NKAIN3: variants seen among roughly 807,000 people sequenced by gnomAD.
NKAIN3 encodes sodium/potassium-transporting ATPase subunit beta-1-interacting protein 3.
NKAIN3 carries 25 observed loss-of-function variants against 30.2 expected under a neutral mutation model. That is an observed-to-expected ratio of 0.83 (90% CI 0.60 to 1.16). The LOEUF (loss-of-function observed/expected upper bound fraction) is 1.16. Among genes scored for constraint, NKAIN3 ranks in the 50% most tolerant of loss-of-function variants. NKAIN3 has a pLI of 0.00. For missense variants in NKAIN3, 225 were observed against 254.1 expected, an observed-to-expected ratio of 0.89 and a Z score of 0.78; for synonymous variants, 91 against 89.6, an observed-to-expected ratio of 1.02 and a Z score of -0.09.
chr8:62,350,687 A>C (rs1816152616), intron 1 of NKAIN3, among the ~76,000 whole-genome samples: 1 of 151,928 alleles, frequency 6.6e-6, no homozygotes, highest in African/African-American at 2.4e-5. Context: ...GAGCTTTTTA[A>C]TTTTTATTTA....
intron 3 of NKAIN3, among the ~76,000 whole-genome samples, chr8:62,696,764 G>C (rs535687635): frequency 6.6e-6 from 1 of 152,262 alleles, no homozygotes; most frequent in African/African-American, 2.4e-5. Flanking sequence ...AGATTTGAGA[G>C]TGTGGATTAG....
chr8:62,721,110 C>T (rs1181101294), intron 3 of NKAIN3, among the ~76,000 whole-genome samples: 4 of 152,130 alleles, frequency 2.6e-5, no homozygotes, highest in East Asian at 1.9e-4. Context: ...TTACTTTTTA[C>T]GTAGCCCCAT....
intron 5 of NKAIN3, among the ~76,000 whole-genome samples, chr8:62,952,074 A>G (rs1823297324): frequency 6.6e-6 from 1 of 152,208 alleles, no homozygotes; most frequent in Admixed American, 6.5e-5. Context: ...TGCTAGCAAT[A>G]TAGGCATGAA....
chr8:62,995,462 A>G (rs928691005), intron 5 of NKAIN3, among the ~76,000 whole-genome samples: 1 of 152,198 alleles, frequency 6.6e-6, no homozygotes, highest in African/African-American at 2.4e-5. Context: ...GGTGCCTGAG[A>G]GGGAAGGGAG....
At chr8:62,806,542 A>T (rs1275948055) in intron 4 of NKAIN3, among the ~76,000 whole-genome samples, 1 of 152,134 alleles carries the variant, frequency 6.6e-6, no homozygotes, top group African/African-American at 2.4e-5. Flanking sequence ...TTCTCAGTAA[A>T]CTATCAGAAG....
intron 1 of NKAIN3, among the ~76,000 whole-genome samples, chr8:62,314,264 C>A (rs1047865222): frequency 8.6e-5 from 13 of 151,970 alleles, no homozygotes; most frequent in Non-Finnish European, 5.9e-5. Flanking sequence ...CATTTAAAAC[C>A]ACCCCAGAAA....
chr8:62,375,914 A>G (rs1261954751), intron 1 of NKAIN3, among the ~76,000 whole-genome samples: 2 of 152,166 alleles, frequency 1.3e-5, no homozygotes, highest in African/African-American at 2.4e-5. Context: ...TTACCTTTAT[A>G]TTATACTTGC....
At chr8:62,418,239 A>T (rs953139237) in intron 1 of NKAIN3, among the ~76,000 whole-genome samples, 8 of 152,226 alleles carry the variant, frequency 5.3e-5, no homozygotes, top group Admixed American at 5.2e-4. Flanking sequence ...TAGAGCTATC[A>T]TAAGAGGCAA....
At chr8:62,877,609 A>G (rs1820839502) in intron 4 of NKAIN3, among the ~76,000 whole-genome samples, 1 of 152,190 alleles carries the variant, frequency 6.6e-6, no homozygotes, top group Non-Finnish European at 1.5e-5. Context: ...TGAAATTTGT[A>G]ATGCTAAAAT....
intron 6 of NKAIN3, 87 bp from the exon 7 acceptor site, chr8:62,965,267 T>C: frequency 1.0e-6 from 1 of 984,632 alleles, no homozygotes; most frequent in Non-Finnish European, 1.2e-6. Context: ...GGAGCTATTT[T>C]GCATTTCAAA....
intron 1 of NKAIN3, among the ~76,000 whole-genome samples, chr8:62,264,226 G>A (rs1812537785): frequency 6.6e-6 from 1 of 152,124 alleles, no homozygotes; most frequent in Non-Finnish European, 1.5e-5. Flanking sequence ...TCAGAATGTT[G>A]AAAGGAATAT....
intron 1 of NKAIN3, among the ~76,000 whole-genome samples, chr8:62,415,788 C>T (rs535131078): frequency 7.9e-5 from 12 of 151,192 alleles, no homozygotes; most frequent in African/African-American, 2.4e-4. Context: ...GACAGAGTCT[C>T]GCTCTGTCGC....
chr8:62,757,390 G>C (rs966007885), intron 4 of NKAIN3, among the ~76,000 whole-genome samples: 1 of 151,986 alleles, frequency 6.6e-6, no homozygotes, highest in Non-Finnish European at 1.5e-5. Context: ...ATGAAAACAA[G>C]CTGTTTCATT....
chr8:62,263,637 T>G (rs1812516570), intron 1 of NKAIN3, among the ~76,000 whole-genome samples: 1 of 152,112 alleles, frequency 6.6e-6, no homozygotes, highest in African/African-American at 2.4e-5. Flanking sequence ...TCCAAGTTGG[T>G]ATATGATTAT....
chr8:62,590,855 C>T (rs1268313348), intron 3 of NKAIN3, among the ~76,000 whole-genome samples: 1 of 151,836 alleles, frequency 6.6e-6, no homozygotes, highest in Non-Finnish European at 1.5e-5. Context: ...TCACCATTTG[C>T]TCACATTGGC....
intron 1 of NKAIN3, among the ~76,000 whole-genome samples, chr8:62,462,802 A>G (rs1326589608): frequency 6.6e-6 from 1 of 152,222 alleles, no homozygotes; most frequent in Non-Finnish European, 1.5e-5. Flanking sequence ...AATCTGACAC[A>G]GTGAACCAGG....
At chr8:62,703,461 A>C (rs1431465136) in intron 3 of NKAIN3, among the ~76,000 whole-genome samples, 1 of 152,220 alleles carries the variant, frequency 6.6e-6, no homozygotes, top group African/African-American at 2.4e-5. Context: ...AAAAAACTCA[A>C]AACATTTAGA....
intron 1 of NKAIN3, among the ~76,000 whole-genome samples, chr8:62,558,893 C>G (rs1490613966): frequency 6.6e-6 from 1 of 152,024 alleles, no homozygotes; most frequent in East Asian, 1.9e-4. Context: ...TGCTTTCATA[C>G]AGTTCCAGGT....
chr8:62,551,020 G>A (rs188714440), intron 1 of NKAIN3, among the ~76,000 whole-genome samples: 21 of 152,206 alleles, frequency 1.4e-4, no homozygotes, highest in African/African-American at 3.9e-4. Context: ...TTAACATGAC[G>A]GCTTTGCATG....
Sources: allele counts gnomAD v4.1 joint callset (sites outside exome capture counted in the v4.1 genomes callset), GRCh38; gene constraint gnomAD v4.1.1; transcripts MANE v1.5; gene names NCBI Gene and HGNC (gene_info 2026-07-23, HGNC 2026-07-21).